YLPM1: variants seen among roughly 807,000 people sequenced by gnomAD.
The protein encoded by YLPM1 is YLP motif containing 1.
YLPM1 carries 99 observed loss-of-function variants against 230.0 expected under a neutral mutation model. That is an observed-to-expected ratio of 0.43 (90% confidence interval 0.37 to 0.51). The LOEUF is 0.51. YLPM1 is among the 20% of genes least tolerant of loss of function. YLPM1 has a pLI of 0.00. For missense variants in YLPM1, 2,592 were observed against 2,707.7 expected (o/e 0.96, Z 0.95); for synonymous variants, 984 against 942.5 (o/e 1.04, Z -0.81).
chr14:74,785,325 A>G (rs563994158), intron 4 of YLPM1, among the ~76,000 whole-genome samples: 3 of 152,276 alleles, frequency 2.0e-5, no homozygotes, highest in Admixed American at 6.5e-5. Flanking sequence ...TGCAGCTTTG[A>G]TAAGGATGGC....
rs1404913530 is a variant in YLPM1 at position 74,836,315 on chromosome 14, A to T, written c.*577A>T. 1 of 152,642 alleles carries T rather than the reference A, an allele frequency of 6.6e-6. No individual in the cohort carries two copies. The highest frequency in any genetic ancestry group is 1.5e-5 in the Non-Finnish European group (1 of 68,450). The allele number at this position is 152,642 out of a possible 1,614,324, so 9.5% of individuals were successfully genotyped here. A position where few individuals can be genotyped will look rare whatever the true frequency, so the allele number is the denominator to read the frequency against. ...TCATTGAATATTATATGGCTCAATG[A>T]TTCCGTAGCACATGTTGTAAAACAC... On this transcript the variant is annotated 3_prime_UTR_variant, in exon 21 of 21. Coordinates refer to ENST00000325680, the MANE Select transcript of YLPM1 (RefSeq NM_019589.3).
intron 5 of YLPM1, among the ~76,000 whole-genome samples, chr14:74,801,642 G>A (rs568185401): frequency 1.3e-5 from 2 of 152,200 alleles, no homozygotes; most frequent in Admixed American, 6.5e-5. Flanking sequence ...AGTGAAAGTG[G>A]GCCAAGTATA....
intron 3 of YLPM1, 111 bp from the exon 4 acceptor site, chr14:74,781,223 A>T: frequency 8.4e-7 from 1 of 1,187,882 alleles, no homozygotes; most frequent in Non-Finnish European, 1.1e-6. Context: ...CAAAGTCTTT[A>T]GTGTTCTAAT....
At chr14:74,782,811 T>C (rs868036624) in intron 4 of YLPM1, among the ~76,000 whole-genome samples, 1 of 152,224 alleles carries the variant, frequency 6.6e-6, no homozygotes, top group South Asian at 2.1e-4. Context: ...TTTAAGTTCC[T>C]GCTCTTGTAC....
At chr14:74,780,618 C>G (rs367922074) in intron 3 of YLPM1, 34 bp downstream of exon 3, 1 of 1,526,500 alleles carries the variant, frequency 6.6e-7, no homozygotes. Context: ...TAGGAAGTTG[C>G]CCCAAGACAT....
intron 17 of YLPM1, chr14:74,822,130 CA>C (rs1240412218): frequency 6.6e-6 from 1 of 152,068 alleles, no homozygotes; most frequent in Non-Finnish European, 1.5e-5. Context: ...ATTTGAGTCT[CA>C]GTATGTGTTT....
At chr14:74,796,471 A>G (rs2091262291) in intron 4 of YLPM1, among the ~76,000 whole-genome samples, 1 of 152,186 alleles carries the variant, frequency 6.6e-6, no homozygotes, top group South Asian at 2.1e-4. Flanking sequence ...ACTCAACATA[A>G]GCCTCTCCAA....
At chr14:74,811,940 C>G (rs141338633) in intron 10 of YLPM1, among the ~76,000 whole-genome samples, 1 of 152,314 alleles carries the variant, frequency 6.6e-6, no homozygotes, top group African/African-American at 2.4e-5. Flanking sequence ...ATCAAAATTA[C>G]TGATAGTCTC....
intron 18 of YLPM1, 150 bp from the exon 19 acceptor site, chr14:74,829,063 C>A: frequency 2.5e-6 from 2 of 801,568 alleles, no homozygotes; most frequent in Non-Finnish European, 3.8e-6. Context: ...TTATCTCAGC[C>A]AAGAAGATAG....
intron 15 of YLPM1, among the ~76,000 whole-genome samples, chr14:74,817,680 CT>C (rs909714798): frequency 4.0e-5 from 6 of 151,370 alleles, no homozygotes; most frequent in Admixed American, 6.6e-5. Context: ...TGTTTATCTC[CT>C]TTTTTTTTCA....
intron 18 of YLPM1, among the ~76,000 whole-genome samples, chr14:74,826,696 C>T (rs980507716): frequency 7.2e-5 from 11 of 152,214 alleles, no homozygotes; most frequent in Non-Finnish European, 1.6e-4. Context: ...CAGTTCAGAA[C>T]AGGCCTGAGC....
rs1481077299 is a variant in YLPM1, at chr14:74,782,266, A to G, written c.2223A>G (p.Ser741=). The G allele has an allele frequency of 1.3e-6, 2 of 1,580,336 alleles. No homozygotes were observed. Among genetic ancestry groups the G allele is most frequent in the East Asian group, 2.2e-5 (1 of 44,832 alleles). Reference sequence around the variant, plus strand: ...CAGTGAAGGACATGCCAGTGAGATCAGGTGGCCTGCTTCCAGATCCTCCTA... The same window carrying G: ...CAGTGAAGGACATGCCAGTGAGATCGGGTGGCCTGCTTCCAGATCCTCCTA... The part of the protein sequence containing the change: ...ITAVKDMPVR[S]GGLLPDPPRS... Residue 741 remains serine, a synonymous_variant, in exon 4 of 21, where the codon TCA becomes TCG. Coordinates refer to ENST00000325680, the MANE Select transcript of YLPM1 (RefSeq NM_019589.3).
intron 19 of YLPM1, among the ~76,000 whole-genome samples, chr14:74,832,303 T>C (rs2091613162): frequency 6.6e-6 from 1 of 152,240 alleles, no homozygotes; most frequent in Non-Finnish European, 1.5e-5. Context: ...ATATGTTGAA[T>C]GTCTTTGTAC....
In YLPM1 at chr14:74,817,320, T is replaced by C. The variant is rs1338026099; in HGVS notation, c.5946+43T>C. The C allele has an allele frequency of 2.7e-6, 4 of 1,488,426 alleles. No homozygotes were observed. The East Asian group carries it at 7.4e-5, about 27-fold the overall frequency. The allele number at this position is 1,488,426 out of a possible 1,614,324, so 92.2% of individuals were successfully genotyped here. A position where few individuals can be genotyped will look rare whatever the true frequency, so the allele number is the denominator to read the frequency against. ...AGAATAATAGAGTACTATCATGCGC[T>C]GCATAATGATGTTTTGGTTAAGGAA... is the stretch of plus-strand genomic sequence containing the variant. On this transcript the variant is annotated intron_variant, in intron 15 of 20. Transcript: ENST00000325680.
intron 19 of YLPM1, among the ~76,000 whole-genome samples, chr14:74,833,866 A>G (rs1363381007): frequency 6.6e-6 from 1 of 152,186 alleles, no homozygotes; most frequent in East Asian, 1.9e-4. Context: ...GGTTCAGTGT[A>G]AAGAGCATGG....
At chr14:74,776,413 A>G (rs1038698334) in intron 1 of YLPM1, among the ~76,000 whole-genome samples, 1 of 152,196 alleles carries the variant, frequency 6.6e-6, no homozygotes, top group Non-Finnish European at 1.5e-5. Flanking sequence ...CTCATGGCCA[A>G]CAGCACTGTA....
chr14:74,810,232 A>T lies in YLPM1; in HGVS notation c.5040A>T (p.Ala1680=). 2 of 1,613,634 alleles carry T rather than the reference A, an allele frequency of 1.2e-6. No homozygotes were observed. The highest frequency in any genetic ancestry group is 1.7e-6 in the Non-Finnish European group (2 of 1,179,654). The part of the protein sequence containing the change: ...PERSTFETEH[A]GQRDRYDRER... ...TACTAATTGTTTTTGTAGAGCATGCAGGCCAACGTGATCGTTATGATAGAG... is the reference window on the plus strand; with the variant it reads ...TACTAATTGTTTTTGTAGAGCATGCTGGCCAACGTGATCGTTATGATAGAG... Residue 1680 remains alanine, a synonymous_variant, in exon 9 of 21, where the codon GCA becomes GCT. Coordinates refer to ENST00000325680, the MANE Select transcript of YLPM1 (RefSeq NM_019589.3).
intron 19 of YLPM1, among the ~76,000 whole-genome samples, chr14:74,831,985 A>G (rs576913254): frequency 1.4e-4 from 21 of 152,244 alleles, no homozygotes; most frequent in African/African-American, 3.9e-4. Flanking sequence ...TTTAATTTGT[A>G]TTTCTTTGAT....
At chr14:74,802,832 C>G (rs2091341383) in intron 6 of YLPM1, among the ~76,000 whole-genome samples, 156 bp downstream of exon 6, 2 of 152,098 alleles carry the variant, frequency 1.3e-5, no homozygotes. Context: ...ACTTTGAACA[C>G]CTTAAAAGCA....
Sources: allele counts gnomAD v4.1 joint callset (sites outside exome capture counted in the v4.1 genomes callset), GRCh38; gene constraint gnomAD v4.1.1; transcripts MANE v1.5; gene names NCBI Gene and HGNC (gene_info 2026-07-23, HGNC 2026-07-21).